Variants in CSMD2 observed in about 807,000 individuals in gnomAD.
CSMD2 encodes the protein CUB and sushi domain-containing protein 2.
A neutral mutation model predicts 398.5 loss-of-function variants in CSMD2; 130 were observed. That is an observed-to-expected ratio of 0.33 (90% CI 0.28 to 0.38). The LOEUF (loss-of-function observed/expected upper bound fraction) is 0.38, where lower values mean the gene tolerates loss of function less well. CSMD2 is among the 10% of genes least tolerant of loss of function. CSMD2 has a pLI of 1.00. For missense variants in CSMD2, 3,829 were observed against 4,764.9 expected (o/e 0.80, Z 5.78); for synonymous variants, 1,828 against 1,908.5 (o/e 0.96, Z 1.10).
chr1:34,030,313 T>G (rs201360496), intron 3 of CSMD2, among the ~76,000 whole-genome samples: 1 of 152,236 alleles, frequency 6.6e-6, no homozygotes, highest in Non-Finnish European at 1.5e-5. Flanking sequence ...GGTCAAAAAG[T>G]AAGTATCTCA....
chr1:34,055,169 C>A (rs994628042), intron 2 of CSMD2, among the ~76,000 whole-genome samples: 6 of 152,152 alleles, frequency 3.9e-5, no homozygotes, highest in African/African-American at 1.4e-4. Flanking sequence ...AATAAACAAG[C>A]AAATAGCCAG....
At chr1:33,695,523 C>G (rs887383137) in intron 24 of CSMD2, among the ~76,000 whole-genome samples, 1 of 152,128 alleles carries the variant, frequency 6.6e-6, no homozygotes, top group Admixed American at 6.5e-5. Context: ...CCTCCTTCCT[C>G]CCCGACATCT....
chr1:33,846,847 C>T lies in CSMD2; in HGVS notation c.1033+37G>A, dbSNP rs1638284731. ...GCCCTCCAGGTGTCATCTCTGCTGC[C>T]CACTGAGGAAGCCAGACAGTCCTGG... On this transcript the variant is annotated intron_variant, in intron 6 of 70. Transcript: ENST00000373381. 3.6e-6 allele frequency: 5 copies of T among 1,401,144 alleles called. No homozygotes were observed. The Middle Eastern group carries it at 5.4e-4, about 152-fold the overall frequency. 86.8% of individuals were successfully genotyped at this position (1,401,144 alleles called of 1,614,324 possible).
chr1:33,755,278 T>C (rs758509647), intron 13 of CSMD2, among the ~76,000 whole-genome samples: 17 of 152,080 alleles, frequency 1.1e-4, no homozygotes, highest in Non-Finnish European at 2.5e-4. Context: ...AGAAGCTCAG[T>C]GTATGTAAAG....
intron 2 of CSMD2, among the ~76,000 whole-genome samples, chr1:34,053,716 T>C (rs1051909959): frequency 3.3e-5 from 5 of 152,224 alleles, no homozygotes; most frequent in African/African-American, 9.7e-5. Flanking sequence ...CAAAGTGCAC[T>C]ATTATCATCT....
intron 2 of CSMD2, among the ~76,000 whole-genome samples, chr1:34,040,872 C>T (rs1651767758): frequency 6.6e-6 from 1 of 152,158 alleles, no homozygotes. Flanking sequence ...TGCCTGTAAT[C>T]CCAACATTTT....
At chr1:33,777,997 G>A (rs374735369) in intron 12 of CSMD2, among the ~76,000 whole-genome samples, 29 of 152,292 alleles carry the variant, frequency 1.9e-4, no homozygotes, top group African/African-American at 6.5e-4. Context: ...TTTCACATGA[G>A]GCTGGGAGGC....
intron 12 of CSMD2, among the ~76,000 whole-genome samples, chr1:33,778,253 T>C (rs1652255946): frequency 6.6e-6 from 1 of 152,134 alleles, no homozygotes. Flanking sequence ...TGGAGTGCAG[T>C]GGTGCTATCA....
chr1:33,613,330 A>G (rs1641170060), intron 40 of CSMD2, among the ~76,000 whole-genome samples: 1 of 152,110 alleles, frequency 6.6e-6, no homozygotes, highest in African/African-American at 2.4e-5. Flanking sequence ...CCCACCTTCT[A>G]TCATCTTGGT....
chr1:33,539,128 C>T (rs759952096), intron 60 of CSMD2, among the ~76,000 whole-genome samples: 4 of 152,088 alleles, frequency 2.6e-5, no homozygotes, highest in Admixed American at 6.5e-5. Context: ...CCACCACGCC[C>T]GGCTAATTTT....
chr1:33,803,945 C>T lies in CSMD2; in HGVS notation c.1446+6798G>A, dbSNP rs184024900. Reference sequence around the variant, plus strand: ...TGAGATCTTGTTCCATCCAGCAGCACAGCCCAGCTATGTAAGTGCATGGGC... The same window carrying T: ...TGAGATCTTGTTCCATCCAGCAGCATAGCCCAGCTATGTAAGTGCATGGGC... On this transcript the variant is annotated intron_variant, in intron 10 of 70. Transcript: ENST00000373381. Among the ~76,000 whole-genome samples, 216 of 152,362 alleles carry T rather than the reference C, an allele frequency of 1.4e-3. 1 individual carries two copies. The highest frequency in any genetic ancestry group is 4.9e-3 in the African/African-American group (205 of 41,584).
chr1:33,554,185 C>CTTTTTTTTTT (rs397860875), intron 55 of CSMD2, among the ~76,000 whole-genome samples: 2 of 74,384 alleles, frequency 2.7e-5, no homozygotes, highest in South Asian at 7.2e-4. Flanking sequence ...AAAAAACAGC[C>CTTTTTTTTTT]TTTTTTTTTT....
chr1:34,089,789 T>G (rs1433514739), intron 1 of CSMD2, among the ~76,000 whole-genome samples: 4 of 152,188 alleles, frequency 2.6e-5, no homozygotes, highest in African/African-American at 9.7e-5. Flanking sequence ...TGTTTCTTTC[T>G]AACGTGTGTT....
At position 33,602,566 on chromosome 1, in the gene CSMD2, A is replaced by C. The variant is rs758779374; in HGVS notation, c.6533-20T>G. 36 of 1,571,074 alleles carry C rather than the reference A, an allele frequency of 2.3e-5. No homozygotes were observed. In the South Asian group the frequency reaches 4.0e-4, roughly 17 times the overall value. ...AAGGGACTGCCAGGGAGGGAACACA[A>C]ACGTAAGTGCAGGGCCTCGGTACCC... On this transcript the variant is annotated intron_variant, in intron 42 of 70. Coordinates refer to ENST00000373381, the MANE Select transcript of CSMD2 (RefSeq NM_001281956.2).
intron 13 of CSMD2, among the ~76,000 whole-genome samples, chr1:33,744,844 C>G (rs1213043900): frequency 1.3e-5 from 2 of 152,110 alleles, no homozygotes; most frequent in Non-Finnish European, 2.9e-5. Flanking sequence ...TTCATGGAAT[C>G]TCATACATGC....
At chr1:33,914,189 A>G (rs1486128137) in intron 5 of CSMD2, among the ~76,000 whole-genome samples, 3 of 152,054 alleles carry the variant, frequency 2.0e-5, no homozygotes, top group Admixed American at 2.0e-4. Context: ...CAGAGCAGAG[A>G]AAGAAAACCC....
At chr1:33,520,632 G>A (rs1284437039) in intron 68 of CSMD2, among the ~76,000 whole-genome samples, 1 of 152,222 alleles carries the variant, frequency 6.6e-6, no homozygotes, top group Non-Finnish European at 1.5e-5. Flanking sequence ...GCTCATGAGG[G>A]CAGAGCTGGG....
At chr1:33,530,980 T>C (rs1034437180) in intron 64 of CSMD2, among the ~76,000 whole-genome samples, 2 of 152,290 alleles carry the variant, frequency 1.3e-5, no homozygotes, top group African/African-American at 4.8e-5. Flanking sequence ...TGGAAAGATG[T>C]TGGCCAAAGG....
intron 1 of CSMD2, among the ~76,000 whole-genome samples, chr1:34,144,239 C>T (rs1639568043): frequency 1.3e-5 from 2 of 152,136 alleles, no homozygotes; most frequent in South Asian, 4.1e-4. Flanking sequence ...GCGGTGCCAA[C>T]CAGCTCAGGT....
Sources: allele counts gnomAD v4.1 joint callset (sites outside exome capture counted in the v4.1 genomes callset), GRCh38; gene constraint gnomAD v4.1.1; transcripts MANE v1.5; gene names NCBI Gene and HGNC (gene_info 2026-07-23, HGNC 2026-07-21).